SOS2: variants seen among roughly 807,000 people sequenced by gnomAD.
SOS2 encodes the protein SOS Ras/Rho guanine nucleotide exchange factor 2, also known as son of sevenless homolog 2.
In SOS2, 65 loss-of-function variants were observed where a neutral mutation model predicts 148.2. That is an observed-to-expected ratio of 0.44 (90% CI 0.36 to 0.54). The LOEUF (loss-of-function observed/expected upper bound fraction) is 0.54, where lower values mean the gene tolerates loss of function less well. Among genes scored for constraint, SOS2 ranks in the 20% least tolerant of loss-of-function variants. The pLI is 0.00. For missense variants in SOS2, 1,341 were observed against 1,590.2 expected (o/e 0.84, Z 2.67); for synonymous variants, 539 against 537.1 (o/e 1.00, Z -0.05).
In SOS2 at chr14:50,188,699, A is replaced by T; in HGVS notation, c.512T>A (p.Val171Asp). Residue 171 changes from valine (V) to aspartate (D), a missense_variant and splice_region_variant, in exon 5 of 23, where the codon GTT (valine) becomes GAT (aspartate). Around this residue, in one of 4 missense-constraint regions of SOS2, gnomAD observed 574 missense variants for 711.1 expected, o/e 0.81. Coordinates refer to ENST00000216373, the MANE Select transcript of SOS2 (RefSeq NM_006939.4). ...ATCCTGATCAAACATGTCCATCAAA[A>T]CCTGAGAAACAGAAATCAATAATGT... ...DIKVSMCADK[V>D]LMDMFDQDDI... 1 of 1,580,554 alleles carries T rather than the reference A, an allele frequency of 6.3e-7. No individual in the cohort carries two copies. The highest frequency in any genetic ancestry group is 8.6e-7 in the Non-Finnish European group (1 of 1,165,182).
At chr14:50,143,541 G>C (rs923814318) in intron 16 of SOS2, among the ~76,000 whole-genome samples, 28 of 151,996 alleles carry the variant, frequency 1.8e-4, no homozygotes, top group Non-Finnish European at 2.9e-5. Flanking sequence ...AGGTTCAAGC[G>C]ATACCCCTGC....
At chr14:50,228,967 A>T (rs531321640) in intron 1 of SOS2, among the ~76,000 whole-genome samples, 58 of 152,344 alleles carry the variant, frequency 3.8e-4, no homozygotes, top group Middle Eastern at 3.4e-3. Flanking sequence ...TTGTCTTTGT[A>T]ACGATCTGGT....
intron 4 of SOS2, among the ~76,000 whole-genome samples, chr14:50,195,533 A>AC (rs1342169426): frequency 1.4e-4 from 21 of 152,320 alleles, no homozygotes; most frequent in African/African-American, 4.6e-4. Flanking sequence ...AGGTTGAGGC[A>AC]AGAAAATCAC....
chr14:50,147,571 C>T (rs962438871), intron 14 of SOS2, among the ~76,000 whole-genome samples: 1 of 149,576 alleles, frequency 6.7e-6, no homozygotes, highest in Non-Finnish European at 1.5e-5. Context: ...TATGAATCTC[C>T]GTGTATGTTT....
intron 8 of SOS2, among the ~76,000 whole-genome samples, chr14:50,174,240 T>A (rs1319210137): frequency 1.3e-5 from 2 of 152,110 alleles, no homozygotes; most frequent in African/African-American, 4.8e-5. Context: ...AGAGGAAGAA[T>A]ACAACACTGC....
At chr14:50,126,149 T>C (rs73289773) in intron 21 of SOS2, among the ~76,000 whole-genome samples, 4,586 of 152,136 alleles carry the variant, frequency 0.03, 99 homozygotes, top group African/African-American at 0.037. Context: ...AAGCCTCCAA[T>C]ATGAAAGACA....
chr14:50,207,492 A>G (rs1353160425), intron 1 of SOS2, among the ~76,000 whole-genome samples: 2 of 151,870 alleles, frequency 1.3e-5, no homozygotes, highest in African/African-American at 4.8e-5. Flanking sequence ...GCCTGGGGGA[A>G]TGAGCAAGAC....
At chr14:50,213,877 G>A (rs1243582207) in intron 1 of SOS2, among the ~76,000 whole-genome samples, 3 of 148,394 alleles carry the variant, frequency 2.0e-5, no homozygotes, top group Non-Finnish European at 4.5e-5. Context: ...GCAACAGAGT[G>A]AGTCCCTGCC....
chr14:50,209,274 C>CGTGTGTGTGTGTGTGTGTGTGT (rs140994310), intron 1 of SOS2, among the ~76,000 whole-genome samples: 2,919 of 118,282 alleles, frequency 0.025, 217 homozygotes, highest in Non-Finnish European at 0.035. Flanking sequence ...CCTTAAATGT[C>CGTGTGTGTGTGTGTGTGTGTGT]GTGTGTGTGT....
intron 4 of SOS2, among the ~76,000 whole-genome samples, chr14:50,193,414 C>T (rs1886215357): frequency 6.6e-6 from 1 of 152,052 alleles, no homozygotes; most frequent in African/African-American, 2.4e-5. Flanking sequence ...ATACTATTTT[C>T]ATTAGTAGTA....
At chr14:50,150,495 C>A (rs1018331376) in intron 13 of SOS2, among the ~76,000 whole-genome samples, 1 of 152,044 alleles carries the variant, frequency 6.6e-6, no homozygotes, top group African/African-American at 2.4e-5. Flanking sequence ...ATAAAACTGA[C>A]AACTTCTTAA....
intron 16 of SOS2, among the ~76,000 whole-genome samples, chr14:50,143,054 T>C (rs1478002488): frequency 6.6e-6 from 1 of 152,088 alleles, no homozygotes; most frequent in Non-Finnish European, 1.5e-5. Context: ...CGTCCTTATG[T>C]CAAAGCATTA....
intron 18 of SOS2, among the ~76,000 whole-genome samples, chr14:50,136,621 G>A (rs963860660): frequency 6.9e-6 from 1 of 144,068 alleles, no homozygotes; most frequent in Non-Finnish European, 1.5e-5. Flanking sequence ...ATGCAGTCTC[G>A]CTCTGTCACC....
At position 50,118,865 on chromosome 14, in the gene SOS2, AAGT is replaced by A. The variant is rs1360991686; in HGVS notation, c.3490-15_3490-13del. ...GATTTCATATTTCCCTCAAAAAAAA[AAGT>A]AATTAAATTATACCTCTATTCTGAA... On this transcript the variant is annotated splice_polypyrimidine_tract_variant and intron_variant, in intron 22 of 22. Transcript: ENST00000216373. The A allele has an allele frequency of 6.9e-7, 1 of 1,444,896 alleles. No homozygotes were observed. Among genetic ancestry groups the A allele is most frequent in the Non-Finnish European group, 9.2e-7 (1 of 1,089,426 alleles). The allele number at this position is 1,444,896 out of a possible 1,614,324, so 89.5% of individuals were successfully genotyped here.
At chr14:50,216,464 A>T (rs1488642340) in intron 1 of SOS2, among the ~76,000 whole-genome samples, 1 of 152,156 alleles carries the variant, frequency 6.6e-6, no homozygotes, top group Non-Finnish European at 1.5e-5. Context: ...ATATACTAAA[A>T]CTACAAAATA....
chr14:50,191,491 AAC>A (rs1886137009), intron 4 of SOS2, among the ~76,000 whole-genome samples: 2 of 151,910 alleles, frequency 1.3e-5, no homozygotes, highest in South Asian at 4.1e-4. Flanking sequence ...AACACATATA[AAC>A]CCCCCAGCTC....
intron 20 of SOS2, 61 bp downstream of exon 20, chr14:50,130,440 A>G (rs947243874): frequency 3.0e-5 from 42 of 1,408,172 alleles, no homozygotes; most frequent in East Asian, 9.2e-5. Flanking sequence ...AATTAAAATG[A>G]TAAGAATTAT....
In SOS2 at chr14:50,228,872, T is replaced by C. The variant is rs1887458407; in HGVS notation, c.87+2325A>G. On this transcript the variant is annotated intron_variant, in intron 1 of 22. Transcript: ENST00000216373. ...GTATGTAAAATGTGTTCAATAATGGTTAAGTGAATTAATGAAGCTAGAATA... is the reference window on the plus strand; with the variant it reads ...GTATGTAAAATGTGTTCAATAATGGCTAAGTGAATTAATGAAGCTAGAATA... 1.3e-5 allele frequency among the ~76,000 whole-genome samples: 2 copies of C among 152,182 alleles called. 1 individual carries two copies. Among genetic ancestry groups the C allele is most frequent in the South Asian group, 4.1e-4 (2 of 4,834 alleles).
chr14:50,189,839 CTTTA>C (rs1258372344), intron 4 of SOS2, among the ~76,000 whole-genome samples: 3 of 107,378 alleles, frequency 2.8e-5, no homozygotes, highest in Admixed American at 2.4e-4. Flanking sequence ...GTTGACTATA[CTTTA>C]TTTTTTATTT....
Sources: gnomAD v4.1 joint callset for allele counts (sites outside exome capture counted in the v4.1 genomes callset) on GRCh38, gnomAD v4.1.1 for gene constraint, gnomAD v4.1.1 regional missense constraint, MANE v1.5 for transcripts, NCBI Gene and HGNC (gene_info 2026-07-23, HGNC 2026-07-21) for gene names.